Variants in SLC4A4 observed in about 807,000 individuals in gnomAD.
SLC4A4 encodes the protein solute carrier family 4 member 4.
Under a neutral mutation model 111.5 loss-of-function variants are expected in SLC4A4, and 27 were observed. The ratio of observed to expected loss-of-function variants is 0.24; its 90% CI spans 0.18 to 0.33. The LOEUF (loss-of-function observed/expected upper bound fraction) is 0.33, where lower values mean the gene tolerates loss of function less well. SLC4A4 is among the 10% of genes least tolerant of loss of function. SLC4A4 has a pLI of 1.00. For synonymous variants in SLC4A4, 443 were observed against 463.4 expected (o/e 0.96, Z 0.57); for missense variants, 909 against 1,315.5 (o/e 0.69, Z 4.78).
intron 7 of SLC4A4, among the ~76,000 whole-genome samples, chr4:71,423,365 C>T (rs1722753585): frequency 6.6e-6 from 1 of 152,142 alleles, no homozygotes; most frequent in Admixed American, 6.5e-5. Context: ...AAGAACATTC[C>T]ATGCTCATGG....
At chr4:71,311,509 T>C (rs1216617353) in intron 3 of SLC4A4, among the ~76,000 whole-genome samples, 3 of 152,128 alleles carry the variant, frequency 2.0e-5, no homozygotes, top group Non-Finnish European at 4.4e-5. Flanking sequence ...CACAGTGCAA[T>C]CAAATTAGAA....
chr4:71,108,001 C>G (rs1742991623), intron 2 of SLC4A4, among the ~76,000 whole-genome samples: 1 of 152,132 alleles, frequency 6.6e-6, no homozygotes, highest in Admixed American at 6.5e-5. Context: ...GAAGTTATAA[C>G]ACTCTAATTT....
At position 71,272,537 on chromosome 4, in the gene SLC4A4, T is replaced by C. The variant is rs914226408; in HGVS notation, c.253+17138T>C. On this transcript the variant is annotated intron_variant, in intron 3 of 25. Coordinates refer to ENST00000264485, the MANE Select transcript of SLC4A4 (RefSeq NM_001098484.3). Reference sequence around the variant, plus strand: ...AGCAAGTGGTAAAGTTGTTAATCTCTTGAAAAAATGGATCTGGACTCTTGT... The same window carrying C: ...AGCAAGTGGTAAAGTTGTTAATCTCCTGAAAAAATGGATCTGGACTCTTGT... Among the ~76,000 whole-genome samples the C allele has an allele frequency of 2.0e-5, 3 of 152,268 alleles. No individual in the cohort carries two copies. The East Asian group carries it at 5.8e-4, about 29-fold the overall frequency.
At chr4:71,365,746 G>A (rs1731191192) in intron 6 of SLC4A4, among the ~76,000 whole-genome samples, 1 of 152,162 alleles carries the variant, frequency 6.6e-6, no homozygotes, top group African/African-American at 2.4e-5. Flanking sequence ...CAAAGAAAAT[G>A]TCATTCCATT....
chr4:71,145,580 A>AT (rs200046072), intron 2 of SLC4A4, among the ~76,000 whole-genome samples: 19,401 of 151,770 alleles, frequency 0.13, 1,387 homozygotes, highest in East Asian at 0.28. Flanking sequence ...CTGGTCCTGG[A>AT]TTTTTTTTAG....
intron 7 of SLC4A4, among the ~76,000 whole-genome samples, chr4:71,408,371 A>C (rs1721060981): frequency 6.6e-6 from 1 of 152,216 alleles, no homozygotes; most frequent in Non-Finnish European, 1.5e-5. Context: ...GAAAATACTT[A>C]ATACACTTCA....
At chr4:71,346,773 A>G (rs1729367448) in intron 4 of SLC4A4, among the ~76,000 whole-genome samples, 1 of 152,152 alleles carries the variant, frequency 6.6e-6, no homozygotes, top group Admixed American at 6.6e-5. Context: ...TTTAAATGGG[A>G]AAGCCAGTAG....
At chr4:71,403,365 TG>T (rs1342955159) in intron 7 of SLC4A4, among the ~76,000 whole-genome samples, 5 of 152,178 alleles carry the variant, frequency 3.3e-5, no homozygotes. Flanking sequence ...CAGAAGTGAA[TG>T]AAACAGATAA....
Position 71,357,163 on chromosome 4 carries a change from A to T in SLC4A4, c.706A>T (p.Arg236Trp), listed in dbSNP as rs776619122. Residue 236 changes from arginine (R) to tryptophan (W), a missense_variant, in exon 6 of 26, where the codon AGG (arginine) becomes TGG (tryptophan). By Grantham distance (101) the Arg-to-Trp change is moderately radical. Transcript: ENST00000264485. ...DIGKTVSSAS[R>W]MFTNPDNGSP... ...TGGGAAGACAGTCTCCAGTGCAAGT[A>T]GGATGTTTACCAACCCTGATAATGG... is the stretch of plus-strand genomic sequence containing the variant. The T allele has an allele frequency of 6.2e-7, 1 of 1,614,186 alleles. No individual in the cohort carries two copies. Among genetic ancestry groups the T allele is most frequent in the South Asian group, 1.1e-5 (1 of 91,080 alleles).
intron 12 of SLC4A4, among the ~76,000 whole-genome samples, chr4:71,466,003 A>T (rs957296904): frequency 2.6e-5 from 4 of 152,122 alleles, no homozygotes; most frequent in African/African-American, 9.7e-5. Flanking sequence ...TTTGTACATA[A>T]AAGAGAGCTA....
At chr4:71,480,641 C>A (rs1488459319) in intron 14 of SLC4A4, among the ~76,000 whole-genome samples, 2 of 151,670 alleles carry the variant, frequency 1.3e-5, no homozygotes, top group Non-Finnish European at 2.9e-5. Flanking sequence ...TTAATTTTAT[C>A]CTTTATCTAT....
intron 16 of SLC4A4, among the ~76,000 whole-genome samples, chr4:71,513,759 G>T (rs554530913): frequency 6.6e-6 from 1 of 152,092 alleles, no homozygotes; most frequent in Non-Finnish European, 1.5e-5. Context: ...CATTAGTGGT[G>T]GGTTTGTTGT....
At chr4:71,209,196 T>C (rs1361555041) in intron 1 of SLC4A4, among the ~76,000 whole-genome samples, 1 of 152,232 alleles carries the variant, frequency 6.6e-6, no homozygotes, top group Non-Finnish European at 1.5e-5. Context: ...AGGACCCTCA[T>C]ACTATCTGTG....
At chr4:71,502,119 G>A (rs529736506) in intron 16 of SLC4A4, among the ~76,000 whole-genome samples, 17 of 152,160 alleles carry the variant, frequency 1.1e-4, no homozygotes, top group African/African-American at 2.4e-4. Context: ...TTGCCACCGC[G>A]CCCACTAATT....
intron 7 of SLC4A4, among the ~76,000 whole-genome samples, chr4:71,427,519 T>C (rs562581569): frequency 4.6e-5 from 7 of 152,092 alleles, no homozygotes; most frequent in African/African-American, 1.7e-4. Context: ...CCATAGTATA[T>C]AATTCTCCTT....
At chr4:71,092,818 C>T (rs1473941941) in intron 2 of SLC4A4, among the ~76,000 whole-genome samples, 7 of 152,164 alleles carry the variant, frequency 4.6e-5, no homozygotes, top group Admixed American at 2.6e-4. Flanking sequence ...ATATATGGGC[C>T]GGGTACAGTG....
At chr4:71,406,487 C>G (rs1170909175) in intron 7 of SLC4A4, among the ~76,000 whole-genome samples, 1 of 152,094 alleles carries the variant, frequency 6.6e-6, no homozygotes, top group African/African-American at 2.4e-5. Context: ...GTTTCTAGCT[C>G]ACTTGTCTGA....
intron 8 of SLC4A4, 132 bp downstream of exon 8, chr4:71,440,905 CTGTT>C (rs1724655432): frequency 4.0e-6 from 4 of 1,012,028 alleles, no homozygotes; most frequent in South Asian, 1.3e-5. Context: ...GAAATAATGA[CTGTT>C]TGACTTTTAT....
At chr4:71,245,027 A>T (rs1027013574) in intron 2 of SLC4A4, among the ~76,000 whole-genome samples, 2 of 152,138 alleles carry the variant, frequency 1.3e-5, no homozygotes, top group African/African-American at 2.4e-5. Context: ...CCTACAGAAT[A>T]ACATTAAATT....
Sources: gnomAD v4.1 joint callset for allele counts (sites outside exome capture counted in the v4.1 genomes callset) on GRCh38, gnomAD v4.1.1 for gene constraint, MANE v1.5 for transcripts, NCBI Gene and HGNC (gene_info 2026-07-23, HGNC 2026-07-21) for gene names.